TNR: variants seen among roughly 807,000 people sequenced by gnomAD.
TNR encodes the protein tenascin R.
Under a neutral mutation model 150.4 loss-of-function variants are expected in TNR, and 45 were observed. The observed-to-expected ratio is 0.30, with a 90% confidence interval of 0.24 to 0.38. The LOEUF (loss-of-function observed/expected upper bound fraction) is 0.38, where lower values mean the gene tolerates loss of function less well. TNR is among the 10% of genes least tolerant of loss of function. The pLI is 1.00. For synonymous variants in TNR, 687 were observed against 678.4 expected, an observed-to-expected ratio of 1.01 and a Z score of -0.20; for missense variants, 1,544 against 1,759.1, an observed-to-expected ratio of 0.88 and a Z score of 2.19.
intron 2 of TNR, among the ~76,000 whole-genome samples, chr1:175,447,574 C>T (rs1656111539): frequency 6.6e-6 from 1 of 152,128 alleles, no homozygotes; most frequent in African/African-American, 2.4e-5. Flanking sequence ...AAGTCTTGGT[C>T]CTTTTGTGAA....
intron 22 of TNR, among the ~76,000 whole-genome samples, chr1:175,324,072 A>G (rs1229715848): frequency 6.6e-6 from 1 of 152,064 alleles, no homozygotes; most frequent in East Asian, 1.9e-4. Flanking sequence ...GGTAAAGTTG[A>G]GTCTGTGAAG....
At position 175,406,179 on chromosome 1, in the gene TNR, C is replaced by T. The variant is rs368084237; in HGVS notation, c.499+37G>A. 4 of 1,594,674 alleles carry T rather than the reference C, an allele frequency of 2.5e-6. No homozygotes were observed. In the African/African-American group the frequency reaches 5.4e-5, roughly 21 times the overall value. Reference sequence around the variant, plus strand: ...CCCTCTCTGCTCAGCCCTCTCCTTCCCCTCCTGAGACCACGCTGCGAGCTC... The same window carrying T: ...CCCTCTCTGCTCAGCCCTCTCCTTCTCCTCCTGAGACCACGCTGCGAGCTC... On this transcript the variant is annotated intron_variant, in intron 3 of 22. Coordinates refer to ENST00000367674, the MANE Select transcript of TNR (RefSeq NM_003285.3).
chr1:175,528,581 T>C (rs1207251814), intron 1 of TNR, among the ~76,000 whole-genome samples: 1 of 152,228 alleles, frequency 6.6e-6, no homozygotes, highest in Admixed American at 6.5e-5. Context: ...TTCATTCTCA[T>C]AGTTTTCAAT....
intron 17 of TNR, 130 bp downstream of exon 17, chr1:175,355,373 A>G (rs1651274008): frequency 4.5e-5 from 54 of 1,198,522 alleles, no homozygotes; most frequent in Non-Finnish European, 6.1e-5. Flanking sequence ...CTTGATGGGA[A>G]GCTGATGAGC....
Position 175,406,366 on chromosome 1 carries a change from T to C in TNR, c.349A>G (p.Arg117Gly). The change falls in exon 3 of 23, where the codon AGG becomes GGG. Residue 117 changes from arginine to glycine, a missense_variant. This residue lies in a region of TNR where 1,254 missense variants were observed against 1,329.4 expected (regional missense o/e 0.94). Transcript: ENST00000367674. ...CAGGCCTTTTTGGGGAAGTTGATCC[T>C]GTGTGTAAAGGTGACCTGGCTCTCG... ...DHESQVTFTH[R>G]INFPKKACPC... is the part of the protein sequence containing the mutation. 2 of 1,614,176 alleles carry C rather than the reference T, an allele frequency of 1.2e-6. No individual in the cohort carries two copies.
intron 1 of TNR, among the ~76,000 whole-genome samples, chr1:175,721,718 T>C (rs1461952236): frequency 6.6e-6 from 1 of 152,132 alleles, no homozygotes; most frequent in Non-Finnish European, 1.5e-5. Flanking sequence ...CTTTTCTCCC[T>C]AGCTCCCCAA....
At chr1:175,453,455 G>A (rs1483135480) in intron 2 of TNR, among the ~76,000 whole-genome samples, 1 of 152,062 alleles carries the variant, frequency 6.6e-6, no homozygotes, top group Non-Finnish European at 1.5e-5. Context: ...GAGGGGAGGG[G>A]ACCTCTCTGG....
intron 1 of TNR, among the ~76,000 whole-genome samples, chr1:175,623,852 C>T (rs1329863733): frequency 2.0e-5 from 3 of 152,226 alleles, no homozygotes; most frequent in South Asian, 4.1e-4. Context: ...TGAAGTGCTC[C>T]GGGGCCCACA....
chr1:175,615,560 G>T (rs1203769656), intron 1 of TNR, among the ~76,000 whole-genome samples: 1 of 152,216 alleles, frequency 6.6e-6, no homozygotes, highest in Non-Finnish European at 1.5e-5. Context: ...CGAGGTCACA[G>T]AGCCTATGTG....
intron 15 of TNR, among the ~76,000 whole-genome samples, chr1:175,357,113 A>AT (rs1289804992): frequency 6.6e-6 from 1 of 152,104 alleles, no homozygotes; most frequent in Non-Finnish European, 1.5e-5. Context: ...TTGTTAGTTG[A>AT]TTTTTTATAC....
intron 14 of TNR, 93 bp downstream of exon 14, chr1:175,362,570 C>A (rs1344039278): frequency 1.0e-5 from 15 of 1,490,318 alleles, no homozygotes; most frequent in Admixed American, 3.8e-5. Context: ...CGAAATGGAG[C>A]CTTAGCCTCC....
chr1:175,738,381 A>C (rs1182054197), intron 1 of TNR, among the ~76,000 whole-genome samples: 1 of 152,192 alleles, frequency 6.6e-6, no homozygotes, highest in African/African-American at 2.4e-5. Context: ...GCATGGTTGA[A>C]CCTTGAGGAC....
At chr1:175,596,220 A>G (rs1440458756) in intron 1 of TNR, among the ~76,000 whole-genome samples, 1 of 152,192 alleles carries the variant, frequency 6.6e-6, no homozygotes, top group Non-Finnish European at 1.5e-5. Context: ...AGAATTATTG[A>G]TTTTTGACTT....
At chr1:175,330,854 C>T (rs917347812) in intron 20 of TNR, among the ~76,000 whole-genome samples, 8 of 152,226 alleles carry the variant, frequency 5.3e-5, no homozygotes, top group Admixed American at 2.6e-4. Flanking sequence ...TGCTACCTTT[C>T]CACTGGCCTT....
chr1:175,414,309 G>GA (rs1240023458), intron 2 of TNR, among the ~76,000 whole-genome samples: 3 of 151,832 alleles, frequency 2.0e-5, no homozygotes, highest in East Asian at 3.9e-4. Flanking sequence ...AGGTGGAGGA[G>GA]AAAAAAAATG....
intron 2 of TNR, among the ~76,000 whole-genome samples, chr1:175,462,170 G>T (rs773054015): frequency 2.6e-5 from 4 of 152,166 alleles, no homozygotes; most frequent in African/African-American, 4.8e-5. Flanking sequence ...TCCTTTTGGG[G>T]TTCAGTAATT....
intron 1 of TNR, among the ~76,000 whole-genome samples, chr1:175,740,414 C>A (rs1558099833): frequency 2.0e-5 from 3 of 151,098 alleles, no homozygotes; most frequent in Admixed American, 6.6e-5. Context: ...TTATTATATA[C>A]AAATTATATG....
intron 1 of TNR, among the ~76,000 whole-genome samples, chr1:175,543,195 G>T (rs1049552842): frequency 1.3e-5 from 2 of 152,196 alleles, no homozygotes; most frequent in African/African-American, 4.8e-5. Flanking sequence ...GGGTAATAGG[G>T]TAGTCCAGTT....
At chr1:175,638,285 T>TA (rs1158668360) in intron 1 of TNR, among the ~76,000 whole-genome samples, 2 of 152,204 alleles carry the variant, frequency 1.3e-5, no homozygotes, top group Non-Finnish European at 2.9e-5. Context: ...AAAAGTTTCT[T>TA]AGTCACTGAC....
Sources: gnomAD v4.1 joint callset for allele counts (sites outside exome capture counted in the v4.1 genomes callset) on GRCh38, gnomAD v4.1.1 for gene constraint, gnomAD v4.1.1 regional missense constraint, MANE v1.5 for transcripts, NCBI Gene and HGNC (gene_info 2026-07-23, HGNC 2026-07-21) for gene names.